PLCB1: variants seen among roughly 807,000 people sequenced by gnomAD.
PLCB1 encodes the protein phospholipase C beta 1, also known as 1-phosphatidylinositol 4,5-bisphosphate phosphodiesterase beta-1.
PLCB1 carries 46 observed loss-of-function variants against 161.8 expected under a neutral mutation model. That is an observed-to-expected ratio of 0.28 (90% confidence interval 0.22 to 0.36). The LOEUF (loss-of-function observed/expected upper bound fraction) is 0.36. PLCB1 is among the 10% of genes least tolerant of loss of function. PLCB1 has a pLI of 1.00. For synonymous variants in PLCB1, 517 were observed against 503.7 expected (o/e 1.03, Z -0.35); for missense variants, 1,016 against 1,472.5 (o/e 0.69, Z 5.07).
intron 2 of PLCB1, among the ~76,000 whole-genome samples, chr20:8,180,665 A>AC (rs11480993): frequency 0.31 from 47,665 of 152,004 alleles, 9,659 homozygotes; most frequent in African/African-American, 0.58. Flanking sequence ...CAGTTCATTG[A>AC]AAAAAATGTA....
At chr20:8,541,987 C>T (rs148488292) in intron 3 of PLCB1, among the ~76,000 whole-genome samples, 10 of 152,304 alleles carry the variant, frequency 6.6e-5, no homozygotes, top group East Asian at 5.8e-4. Flanking sequence ...TCCTCCCAGT[C>T]GGAGGCAGAA....
intron 11 of PLCB1, among the ~76,000 whole-genome samples, chr20:8,702,723 T>G (rs1021982505): frequency 6.6e-6 from 1 of 152,164 alleles, no homozygotes; most frequent in Non-Finnish European, 1.5e-5. Flanking sequence ...TAAAGAGCAA[T>G]GGAGCATTAC....
intron 2 of PLCB1, among the ~76,000 whole-genome samples, chr20:8,239,423 A>G (rs1221006046): frequency 6.6e-6 from 1 of 152,038 alleles, no homozygotes; most frequent in South Asian, 2.1e-4. Context: ...GGTGTAAGGA[A>G]TAGGCACCAG....
intron 4 of PLCB1, among the ~76,000 whole-genome samples, chr20:8,643,815 T>A (rs1368562338): frequency 9.1e-5 from 13 of 143,438 alleles, no homozygotes. Context: ...TCCCTCTCCC[T>A]CTCTTTCCAC....
At chr20:8,226,589 G>C (rs1216842064) in intron 2 of PLCB1, among the ~76,000 whole-genome samples, 1 of 152,050 alleles carries the variant, frequency 6.6e-6, no homozygotes, top group Non-Finnish European at 1.5e-5. Flanking sequence ...GCTTGTTTCA[G>C]TCTTCCAGAA....
intron 31 of PLCB1, among the ~76,000 whole-genome samples, chr20:8,856,034 C>T (rs1040883906): frequency 1.3e-5 from 2 of 152,164 alleles, no homozygotes; most frequent in Non-Finnish European, 2.9e-5. Flanking sequence ...ATATACACCA[C>T]AAAAACTACA....
At chr20:8,506,362 C>A (rs912371781) in intron 3 of PLCB1, among the ~76,000 whole-genome samples, 2 of 152,128 alleles carry the variant, frequency 1.3e-5, no homozygotes, top group African/African-American at 2.4e-5. Flanking sequence ...TTTATAAGCA[C>A]CTCAGTTTTT....
chr20:8,718,559 T>C (rs921068795), intron 14 of PLCB1, among the ~76,000 whole-genome samples: 5 of 152,198 alleles, frequency 3.3e-5, no homozygotes, highest in Non-Finnish European at 5.9e-5. Context: ...CTTTCTCCTG[T>C]GGTCACATCT....
intron 2 of PLCB1, chr20:8,249,600 T>C (rs968344087): frequency 3.4e-4 from 52 of 151,940 alleles, no homozygotes; most frequent in Admixed American, 3.3e-3. Flanking sequence ...TTAACTCTTA[T>C]TGTGATCGAC....
At chr20:8,280,335 CAA>C (rs771888171) in intron 2 of PLCB1, among the ~76,000 whole-genome samples, 30 of 79,046 alleles carry the variant, frequency 3.8e-4, no homozygotes, top group African/African-American at 7.8e-4. Context: ...AACTCTGTCT[CAA>C]AAAAAAAAAA....
In PLCB1 at chr20:8,219,622, G is replaced by C. The variant is rs143081632; in HGVS notation, c.177+69251G>C. ...TTAAATCTTTGTAAACAAGGTAGAA[G>C]CTCATGTCTTTCTGATAGAGAGTAG... On this transcript the variant is annotated intron_variant, in intron 2 of 31. Coordinates refer to ENST00000338037, the MANE Select transcript of PLCB1 (RefSeq NM_015192.4). Among the ~76,000 whole-genome samples the C allele has an allele frequency of 4.5e-3, 685 of 152,258 alleles. 5 individuals are homozygous for C. Among genetic ancestry groups the C allele is most frequent in the African/African-American group, 0.016 (661 of 41,574 alleles).
intron 3 of PLCB1, among the ~76,000 whole-genome samples, chr20:8,421,406 T>C (rs1979532865): frequency 1.3e-5 from 2 of 152,174 alleles, no homozygotes; most frequent in Admixed American, 1.3e-4. Flanking sequence ...GGTGCACCCT[T>C]GGAATAACAG....
chr20:8,273,538 C>T (rs992437196), intron 2 of PLCB1, among the ~76,000 whole-genome samples: 1 of 152,130 alleles, frequency 6.6e-6, no homozygotes, highest in African/African-American at 2.4e-5. Flanking sequence ...ACTAATAGTG[C>T]TGCTTTGCCA....
At chr20:8,691,482 G>A (rs1407539280) in intron 10 of PLCB1, among the ~76,000 whole-genome samples, 3 of 152,106 alleles carry the variant, frequency 2.0e-5, no homozygotes, top group African/African-American at 4.8e-5. Flanking sequence ...CTACCGTAAT[G>A]TGTTTTGAAT....
At chr20:8,430,165 C>A (rs759383165) in intron 3 of PLCB1, among the ~76,000 whole-genome samples, 1 of 151,748 alleles carries the variant, frequency 6.6e-6, no homozygotes, top group African/African-American at 2.4e-5. Context: ...AAGATAAGCC[C>A]ATGAAGGAAA....
intron 4 of PLCB1, among the ~76,000 whole-genome samples, chr20:8,644,054 C>A (rs989776315): frequency 1.3e-5 from 2 of 152,182 alleles, no homozygotes; most frequent in African/African-American, 2.4e-5. Flanking sequence ...GCCTCGGCAT[C>A]CTGAGGTGCC....
rs116413272 is a variant in PLCB1 at position 8,370,639 on chromosome 20, A to G, written c.178-743A>G. Reference sequence around the variant, plus strand: ...CCCAACTTCTTTTTTTCCAAGCTTAATGATTTCTCATAAACTTTTCTCTGA... The same window carrying G: ...CCCAACTTCTTTTTTTCCAAGCTTAGTGATTTCTCATAAACTTTTCTCTGA... On this transcript the variant is annotated intron_variant, in intron 2 of 31. Coordinates refer to ENST00000338037, the MANE Select transcript of PLCB1 (RefSeq NM_015192.4). Among the ~76,000 whole-genome samples, 935 of 152,196 alleles carry G rather than the reference A, an allele frequency of 6.1e-3. 12 individuals are homozygous for G. The highest frequency in any genetic ancestry group is 0.021 in the African/African-American group (879 of 41,510).
chr20:8,699,860 C>T (rs1161349574), intron 11 of PLCB1, among the ~76,000 whole-genome samples: 2 of 152,212 alleles, frequency 1.3e-5, no homozygotes, highest in Admixed American at 1.3e-4. Context: ...AATTTTACAA[C>T]AAAGTTTAAT....
intron 31 of PLCB1, among the ~76,000 whole-genome samples, chr20:8,867,215 G>A (rs1987458689): frequency 6.6e-6 from 1 of 152,110 alleles, no homozygotes; most frequent in Non-Finnish European, 1.5e-5. Flanking sequence ...ATCTTAAAAG[G>A]AGTTATCATA....
Sources: gnomAD v4.1 joint callset for allele counts (sites outside exome capture counted in the v4.1 genomes callset) on GRCh38, gnomAD v4.1.1 for gene constraint, MANE v1.5 for transcripts, NCBI Gene and HGNC (gene_info 2026-07-23, HGNC 2026-07-21) for gene names.